The following SUPT20H variants were observed in gnomAD, a reference collection of about 807,000 sequenced individuals.
The protein encoded by SUPT20H is SPT20 homolog, SAGA complex component.
In SUPT20H, 82 loss-of-function variants were observed where a neutral mutation model predicts 122.8. That is an observed-to-expected ratio of 0.67 (90% CI 0.56 to 0.80). SUPT20H has a LOEUF of 0.80. Among genes scored for constraint, SUPT20H ranks in the 30% least tolerant of loss-of-function variants. The pLI is 0.00. For synonymous variants in SUPT20H, 291 were observed against 313.0 expected, an observed-to-expected ratio of 0.93 and a Z score of 0.74; for missense variants, 831 against 921.6, an observed-to-expected ratio of 0.90 and a Z score of 1.27.
At chr13:37,040,227 T>G in intron 9 of SUPT20H, 178 bp downstream of exon 9, 1 of 528,014 alleles carries the variant, frequency 1.9e-6, no homozygotes, top group Non-Finnish European at 3.3e-6. Flanking sequence ...CTTGAGGGAT[T>G]ACTACACATA....
chr13:37,037,354 T>G (rs764602684), intron 9 of SUPT20H, among the ~76,000 whole-genome samples: 11 of 152,230 alleles, frequency 7.2e-5, no homozygotes, highest in Non-Finnish European at 1.0e-4. Context: ...AGTGTAAATG[T>G]AACCTTTTTA....
intron 1 of SUPT20H, 171 bp downstream of exon 1, chr13:37,059,388 T>C (rs1199963): frequency 6.6e-6 from 1 of 152,312 alleles, no homozygotes; most frequent in East Asian, 1.9e-4. Flanking sequence ...GGCGTCCACC[T>C]GGAGTTTAGC....
In SUPT20H at chr13:37,016,312, G is replaced by A. The variant is rs1026353102; in HGVS notation, c.1992+933C>T. ...GGGCGTGGTGGCACATGTCTGTAGC[G>A]ACAGCTACTCGGGAGGCTGAGGCAG... On this transcript the variant is annotated intron_variant, in intron 23 of 25. Coordinates refer to ENST00000350612, the MANE Select transcript of SUPT20H (RefSeq NM_001014286.3). Among the ~76,000 whole-genome samples, 56 of 151,872 alleles carry A rather than the reference G, an allele frequency of 3.7e-4. No individual in the cohort carries two copies. The Middle Eastern group carries it at 0.02, about 55-fold the overall frequency.
intron 13 of SUPT20H, 146 bp downstream of exon 13, chr13:37,029,619 T>C: frequency 1.7e-6 from 1 of 591,680 alleles, no homozygotes. Flanking sequence ...AGTTGTTTCT[T>C]CTTGTAATAA....
chr13:37,016,202 G>C (rs924333535), intron 23 of SUPT20H, among the ~76,000 whole-genome samples: 5 of 152,082 alleles, frequency 3.3e-5, no homozygotes, highest in African/African-American at 1.2e-4. Context: ...AGGCTGAGGT[G>C]GGCGGATCAC....
chr13:37,038,157 T>C (rs1050242842), intron 9 of SUPT20H: 2 of 152,190 alleles, frequency 1.3e-5, no homozygotes, highest in African/African-American at 4.8e-5. Context: ...GTGGGTTTGA[T>C]CAGATTTCTA....
Position 37,021,608 on chromosome 13 carries a change from G to C in SUPT20H, c.1662-6C>G. 1 of 1,609,938 alleles carries C rather than the reference G, an allele frequency of 6.2e-7. No homozygotes were observed. The highest frequency in any genetic ancestry group is 1.1e-5 in the South Asian group (1 of 90,456). ...TCATCAAAGCCTGGGCCCCACTGCAGGAGAATAAGACAAAGCATTAAACTT... is the reference window on the plus strand; with the variant it reads ...TCATCAAAGCCTGGGCCCCACTGCACGAGAATAAGACAAAGCATTAAACTT... On this transcript the variant is annotated splice_region_variant and splice_polypyrimidine_tract_variant and intron_variant, in intron 20 of 25. Coordinates refer to ENST00000350612, the MANE Select transcript of SUPT20H (RefSeq NM_001014286.3).
At chr13:37,034,149 T>C (rs2063916439) in intron 9 of SUPT20H, among the ~76,000 whole-genome samples, 1 of 152,196 alleles carries the variant, frequency 6.6e-6, no homozygotes, top group African/African-American at 2.4e-5. Flanking sequence ...AAAAATGGCC[T>C]CTTAGTGTTC....
At chr13:37,026,149 G>T in intron 16 of SUPT20H, 55 bp downstream of exon 16, 3 of 1,473,704 alleles carry the variant, frequency 2.0e-6, no homozygotes, top group Non-Finnish European at 2.8e-6. Flanking sequence ...TCCTATAAGG[G>T]TGAAAAATTT....
intron 9 of SUPT20H, among the ~76,000 whole-genome samples, chr13:37,034,586 G>A (rs1404802481): frequency 6.6e-6 from 1 of 152,206 alleles, no homozygotes; most frequent in Non-Finnish European, 1.5e-5. Context: ...TAACACAAAA[G>A]TGCAAGGTGA....
intron 25 of SUPT20H, 22 bp downstream of exon 25, chr13:37,010,530 C>G: frequency 6.2e-7 from 1 of 1,601,360 alleles, no homozygotes; most frequent in Non-Finnish European, 8.6e-7. Flanking sequence ...AAAATGTAAT[C>G]AGAGTGAAGT....
chr13:37,023,801 T>C (rs2061754600), intron 19 of SUPT20H: 1 of 351,694 alleles, frequency 2.8e-6, no homozygotes, highest in Non-Finnish European at 5.0e-6. Flanking sequence ...TGTAAGCCTA[T>C]AAGAAAGGTA....
Position 37,047,613 on chromosome 13 carries a change from T to G in SUPT20H, c.99-12A>C. 7.3e-7 allele frequency: 1 copy of G among 1,370,676 alleles called. No homozygotes were observed. The highest frequency in any genetic ancestry group is 9.8e-7 in the Non-Finnish European group (1 of 1,022,738). The allele number at this position is 1,370,676 out of a possible 1,614,324, so 84.9% of individuals were successfully genotyped here. On this transcript the variant is annotated splice_polypyrimidine_tract_variant and intron_variant, in intron 4 of 25. Transcript: ENST00000350612. ...GAAATACAGATTTTCTAAAAAAATT[T>G]AATGAAACAAATATATAAAATGTTA...
chr13:37,015,965 T>C (rs554209748), intron 23 of SUPT20H, among the ~76,000 whole-genome samples: 1 of 152,302 alleles, frequency 6.6e-6, no homozygotes, highest in East Asian at 1.9e-4. Flanking sequence ...TGAGGTATCT[T>C]GAATAGTCAA....
chr13:37,025,288 G>A (rs954646207), intron 17 of SUPT20H, 32 bp downstream of exon 17: 1 of 1,494,306 alleles, frequency 6.7e-7, no homozygotes, highest in African/African-American at 1.4e-5. Flanking sequence ...TGAAACAACT[G>A]GGCACAAAGA....
intron 25 of SUPT20H, 117 bp from the exon 26 acceptor site, chr13:37,009,926 A>T: frequency 7.2e-7 from 1 of 1,389,960 alleles, no homozygotes; most frequent in Non-Finnish European, 9.6e-7. Context: ...CAAGATAACA[A>T]AAAGGGACTA....
In SUPT20H at chr13:37,051,578, AC is replaced by A; in HGVS notation, c.-89del. 1 of 1,272,792 alleles carries A rather than the reference AC, an allele frequency of 7.9e-7. No homozygotes were observed. The allele number at this position is 1,272,792 out of a possible 1,614,324, so 78.8% of individuals were successfully genotyped here. ...ACACCATGCCTTTAACATCAATCTTACAGTACTGAAAAGCAAAAACAATAAA... is the reference window on the plus strand; with the variant it reads ...ACACCATGCCTTTAACATCAATCTTAAGTACTGAAAAGCAAAAACAATAAA... On this transcript the variant is annotated 5_prime_UTR_variant, in exon 2 of 26. Transcript: ENST00000350612.
chr13:37,052,347 C>A (rs1422507001), intron 1 of SUPT20H, among the ~76,000 whole-genome samples: 1 of 152,078 alleles, frequency 6.6e-6, no homozygotes, highest in Non-Finnish European at 1.5e-5. Flanking sequence ...ACCAACAGAA[C>A]AGAGGCCTCA....
chr13:37,017,523 A>C (rs1283281363), intron 22 of SUPT20H, among the ~76,000 whole-genome samples, 159 bp from the exon 23 acceptor site: 1 of 152,228 alleles, frequency 6.6e-6, no homozygotes, highest in Non-Finnish European at 1.5e-5. Flanking sequence ...CCTTAAAAAA[A>C]AGACCTATTT....
Sources: allele counts gnomAD v4.1 joint callset (sites outside exome capture counted in the v4.1 genomes callset), GRCh38; gene constraint gnomAD v4.1.1; transcripts MANE v1.5; gene names NCBI Gene and HGNC (gene_info 2026-07-23, HGNC 2026-07-21).